The following COL4A6 variants were observed in gnomAD, a reference collection of about 807,000 sequenced individuals.
COL4A6 encodes collagen type IV alpha 6 chain.
COL4A6 carries 59 observed loss-of-function variants against 126.7 expected under a neutral mutation model. That is an observed-to-expected ratio of 0.47 (90% CI 0.38 to 0.58). COL4A6 has a LOEUF of 0.58. COL4A6 is among the 20% of genes least tolerant of loss of function. The pLI is 0.00. For synonymous variants in COL4A6, 547 were observed against 496.6 expected, an observed-to-expected ratio of 1.10 and a Z score of -1.35; for missense variants, 1,285 against 1,337.3, an observed-to-expected ratio of 0.96 and a Z score of 0.61.
chrX:108,197,781 G>GTT (rs1470071098), intron 13 of COL4A6, among the ~76,000 whole-genome samples: 1 of 103,437 alleles, frequency 9.7e-6, no homozygotes, highest in Non-Finnish European at 2.0e-5. Context: ...GAGTGTGTGT[G>GTT]TGTGTGTGTG....
At chrX:108,329,999 T>C (rs1388953588) in intron 2 of COL4A6, among the ~76,000 whole-genome samples, 1 of 110,969 alleles carries the variant, frequency 9.0e-6, no homozygotes, top group Non-Finnish European at 1.9e-5. Flanking sequence ...GTTTTGGACA[T>C]GCTGAGTTTG....
At position 108,205,534 on chromosome X, in the gene COL4A6, T is replaced by G. The variant is rs750301882; in HGVS notation, c.646-54A>C. The G allele has an allele frequency of 1.5e-5, 17 of 1,124,818 alleles. No individual in the cohort carries two copies. In the African/African-American group the frequency reaches 1.8e-4, roughly 12 times the overall value. The allele number at this position is 1,124,818 out of a possible 1,213,427, so 92.7% of individuals were successfully genotyped here. A position where few individuals can be genotyped will look rare whatever the true frequency, so the allele number is the denominator to read the frequency against. The stretch of plus-strand genomic sequence containing the variant: ...ACAAAATCGATTACTAAATAAGCTC[T>G]GGGAACTTAAATTGGAATGCAATCT... On this transcript the variant is annotated intron_variant, in intron 10 of 44. Coordinates refer to ENST00000334504, the MANE Select transcript of COL4A6 (RefSeq NM_033641.4).
At chrX:108,364,026 C>A (rs1254760454) in intron 2 of COL4A6, among the ~76,000 whole-genome samples, 1 of 110,271 alleles carries the variant, frequency 9.1e-6, no homozygotes, top group Non-Finnish European at 1.9e-5. Flanking sequence ...TGTGTGCCAC[C>A]ACACCCTAAT....
intron 2 of COL4A6, among the ~76,000 whole-genome samples, chrX:108,319,483 G>A (rs1273477244): frequency 1.8e-5 from 2 of 112,425 alleles, no homozygotes; most frequent in African/African-American, 3.2e-5. Context: ...GGAGGTACTT[G>A]AGAAGGAATC....
intron 2 of COL4A6, among the ~76,000 whole-genome samples, chrX:108,346,158 C>T (rs376331870): frequency 9.0e-6 from 1 of 111,424 alleles, no homozygotes; most frequent in South Asian, 3.8e-4. Flanking sequence ...TACTGCCTTC[C>T]CCTTGGAGAA....
chrX:108,286,290 G>A (rs1209804326), intron 3 of COL4A6, among the ~76,000 whole-genome samples: 1 of 111,822 alleles, frequency 8.9e-6, no homozygotes, highest in African/African-American at 3.3e-5. Flanking sequence ...AAACACCGAG[G>A]GGCAGTCTTA....
chrX:108,360,521 T>G (rs1223414376), intron 2 of COL4A6, among the ~76,000 whole-genome samples: 2 of 104,496 alleles, frequency 1.9e-5, no homozygotes, highest in African/African-American at 7.2e-5. Flanking sequence ...TTCATGAGAG[T>G]TGACACTTTA....
At position 108,178,949 on chromosome X, in the gene COL4A6, C is replaced by A. The variant is rs1318303709; in HGVS notation, c.2354-104G>T. 11 of 937,301 alleles carry A rather than the reference C, an allele frequency of 1.2e-5. No homozygotes were observed. In the Middle Eastern group the frequency reaches 8.8e-4, roughly 75 times the overall value. The allele number at this position is 937,301 out of a possible 1,213,427, so 77.2% of individuals were successfully genotyped here. On this transcript the variant is annotated intron_variant, in intron 26 of 44. Coordinates refer to ENST00000334504, the MANE Select transcript of COL4A6 (RefSeq NM_033641.4). The stretch of plus-strand genomic sequence containing the variant: ...ATCCCAGGTGCCACTGTCTTCTCAG[C>A]TCCAGCCTTGTTGCTATTCCCAGCC...
At chrX:108,372,326 ACTGAAAT>A in intron 2 of COL4A6, among the ~76,000 whole-genome samples, 1 of 111,840 alleles carries the variant, frequency 8.9e-6, no homozygotes, top group Middle Eastern at 4.6e-3. Flanking sequence ...GAGTAACAGA[ACTGAAAT>A]CTTTACCCTA....
At chrX:108,377,553 T>A (rs1289852149) in intron 2 of COL4A6, among the ~76,000 whole-genome samples, 1 of 106,298 alleles carries the variant, frequency 9.4e-6, no homozygotes, top group African/African-American at 3.6e-5. Context: ...AGAAAAAAAA[T>A]TTCTTTTTTT....
intron 2 of COL4A6, among the ~76,000 whole-genome samples, chrX:108,403,215 G>A (rs1342059618): frequency 1.0e-5 from 1 of 96,229 alleles, no homozygotes; most frequent in African/African-American, 3.9e-5. Flanking sequence ...TCACCACAAT[G>A]TATCTATGCA....
intron 23 of COL4A6, among the ~76,000 whole-genome samples, chrX:108,186,229 A>G (rs2034854493): frequency 9.0e-6 from 1 of 111,696 alleles, no homozygotes; most frequent in Admixed American, 9.5e-5. Flanking sequence ...GAATGTAAAA[A>G]CTACTTAGGA....
chrX:108,168,606 A>G (rs2034202546), intron 37 of COL4A6, among the ~76,000 whole-genome samples: 5 of 112,116 alleles, frequency 4.5e-5, no homozygotes, highest in African/African-American at 1.6e-4. Context: ...GAGCTTTTGT[A>G]TATCTTACCT....
intron 3 of COL4A6, among the ~76,000 whole-genome samples, chrX:108,264,137 G>A (rs1346842909): frequency 9.0e-6 from 1 of 111,706 alleles, no homozygotes; most frequent in East Asian, 2.8e-4. Flanking sequence ...TGAAGTAGGA[G>A]AAGGTAAAAG....
At chrX:108,362,006 C>T (rs1007799428) in intron 2 of COL4A6, among the ~76,000 whole-genome samples, 1 of 111,015 alleles carries the variant, frequency 9.0e-6, no homozygotes, top group African/African-American at 3.3e-5. Context: ...GCTATATGAA[C>T]TTGGACAAGT....
At chrX:108,174,322 T>C (rs755813289) in intron 31 of COL4A6, 118 bp downstream of exon 31, 1 of 699,285 alleles carries the variant, frequency 1.4e-6, no homozygotes, top group Admixed American at 2.9e-5. Flanking sequence ...TTTCTGAGGA[T>C]GTCCTGGGAG....
At chrX:108,401,105 A>C (rs2041079062) in intron 2 of COL4A6, among the ~76,000 whole-genome samples, 2 of 111,401 alleles carry the variant, frequency 1.8e-5, no homozygotes, top group African/African-American at 6.5e-5. Context: ...ACTGTCAACT[A>C]TCTCCAAAAA....
At chrX:108,311,182 T>C (rs773035165) in intron 2 of COL4A6, among the ~76,000 whole-genome samples, 2 of 111,937 alleles carry the variant, frequency 1.8e-5, no homozygotes, top group South Asian at 3.8e-4. Flanking sequence ...TTTGCACTCA[T>C]TGGTAAAGAA....
In COL4A6 at chrX:108,187,856, C is replaced by T; in HGVS notation, c.1759G>A (p.Gly587Ser). Residue 587 changes from glycine to serine, a missense_variant, in exon 22 of 45, where the codon GGC becomes AGC. Coordinates refer to ENST00000334504, the MANE Select transcript of COL4A6 (RefSeq NM_033641.4). ...AGGAACGATCAACTTACCGGAAGGC[C>T]TGGCAGACCTGGTAAACCTGGTACT... ...DGVPGLPGLP[G>S]LPGDGGQGFP... is the part of the protein sequence containing the mutation. The T allele has an allele frequency of 8.3e-7, 1 of 1,204,699 alleles. No individual in the cohort carries two copies. Among genetic ancestry groups the T allele is most frequent in the Non-Finnish European group, 1.1e-6 (1 of 890,963 alleles).
Sources: gnomAD v4.1 joint callset for allele counts (sites outside exome capture counted in the v4.1 genomes callset) on GRCh38, gnomAD v4.1.1 for gene constraint, MANE v1.5 for transcripts, NCBI Gene and HGNC (gene_info 2026-07-23, HGNC 2026-07-21) for gene names.